Variants in SAMD3 observed in about 807,000 individuals in gnomAD.
SAMD3 encodes the protein sterile alpha motif domain-containing protein 3.
In SAMD3, 63 loss-of-function variants were observed where a neutral mutation model predicts 58.5. That is an observed-to-expected ratio of 1.08 (90% confidence interval 0.88 to 1.33). The LOEUF is 1.33. Among genes scored for constraint, SAMD3 ranks in the 40% most tolerant of loss-of-function variants. The pLI is 0.00. For missense variants in SAMD3, 604 were observed against 608.4 expected, an observed-to-expected ratio of 0.99 and a Z score of 0.08; for synonymous variants, 220 against 210.3, an observed-to-expected ratio of 1.05 and a Z score of -0.40.
At chr6:130,323,062 T>G (rs1776638567) in intron 1 of SAMD3, among the ~76,000 whole-genome samples, 3 of 152,220 alleles carry the variant, frequency 2.0e-5, no homozygotes, top group Admixed American at 2.0e-4. Flanking sequence ...TACAAGCAGT[T>G]ACCATGGAGC....
At chr6:130,329,453 T>C (rs1583113807) in intron 1 of SAMD3, among the ~76,000 whole-genome samples, 1 of 152,130 alleles carries the variant, frequency 6.6e-6, no homozygotes, top group African/African-American at 2.4e-5. Flanking sequence ...CAAATGAAAA[T>C]GGTTCAGTTG....
chr6:130,265,821 G>GTCAT (rs1389484194), intron 2 of SAMD3, among the ~76,000 whole-genome samples: 1 of 152,156 alleles, frequency 6.6e-6, no homozygotes, highest in Non-Finnish European at 1.5e-5. Context: ...TGCCTGTGCT[G>GTCAT]TCATTAATAG....
intron 7 of SAMD3, among the ~76,000 whole-genome samples, chr6:130,177,351 T>C (rs1445584574): frequency 6.6e-6 from 1 of 152,102 alleles, no homozygotes. Flanking sequence ...TGGTCCAGAT[T>C]TGAGCTCTGG....
chr6:130,308,400 A>ATTCTATTCT (rs1562513112), intron 2 of SAMD3, among the ~76,000 whole-genome samples: 245 of 137,008 alleles, frequency 1.8e-3, no homozygotes, highest in African/African-American at 4.0e-3. Context: ...ATTCTATTCT[A>ATTCTATTCT]TTCTATTCTA....
chr6:130,296,588 T>C (rs1775578046), intron 2 of SAMD3, among the ~76,000 whole-genome samples: 2 of 152,198 alleles, frequency 1.3e-5, no homozygotes, highest in Admixed American at 6.5e-5. Flanking sequence ...GTGTTTTTCA[T>C]ACTTTTTGTG....
At chr6:130,204,141 A>T (rs981552756) in intron 5 of SAMD3, among the ~76,000 whole-genome samples, 1 of 152,230 alleles carries the variant, frequency 6.6e-6, no homozygotes, top group African/African-American at 2.4e-5. Flanking sequence ...GAAGCAAAAC[A>T]TCTGGACACA....
chr6:130,360,695 A>C (rs1474362859), intron 1 of SAMD3, among the ~76,000 whole-genome samples: 3 of 152,182 alleles, frequency 2.0e-5, no homozygotes, highest in African/African-American at 7.2e-5. Context: ...AACCAGTCTG[A>C]CCAAAATTTA....
chr6:130,146,772 T>C (rs1435823226), intron 9 of SAMD3, among the ~76,000 whole-genome samples: 1 of 151,994 alleles, frequency 6.6e-6, no homozygotes, highest in African/African-American at 2.4e-5. Context: ...CCCAGGAGTT[T>C]GAGACCAGCC....
At chr6:130,347,124 T>C (rs930932540) in intron 1 of SAMD3, among the ~76,000 whole-genome samples, 1 of 151,848 alleles carries the variant, frequency 6.6e-6, no homozygotes, top group Non-Finnish European at 1.5e-5. Flanking sequence ...ACCACAAAGA[T>C]GGGGAAAAAA....
At chr6:130,184,665 A>G (rs751460909) in intron 5 of SAMD3, 42 bp from the exon 6 acceptor site, 195 of 1,512,914 alleles carry the variant, frequency 1.3e-4, no homozygotes, top group Non-Finnish European at 1.6e-4. Flanking sequence ...TCTATTCCAA[A>G]TATATGCAGT....
chr6:130,359,524 C>T (rs1777926763), intron 1 of SAMD3, among the ~76,000 whole-genome samples: 1 of 152,160 alleles, frequency 6.6e-6, no homozygotes, highest in Admixed American at 6.5e-5. Context: ...TCTTGGATCC[C>T]TATGTCTTTG....
chr6:130,351,416 G>A (rs1019442300), intron 1 of SAMD3, among the ~76,000 whole-genome samples: 2 of 152,096 alleles, frequency 1.3e-5, no homozygotes, highest in African/African-American at 4.8e-5. Context: ...AGTGGGCAAA[G>A]GATATGAACA....
At chr6:130,286,844 T>C (rs1775173491) in intron 2 of SAMD3, among the ~76,000 whole-genome samples, 1 of 152,262 alleles carries the variant, frequency 6.6e-6, no homozygotes, top group Middle Eastern at 3.4e-3. Context: ...CCTGAGTAGC[T>C]GACTAGAGGT....
chr6:130,352,554 T>C (rs1400695156), intron 1 of SAMD3, among the ~76,000 whole-genome samples: 3 of 152,152 alleles, frequency 2.0e-5, no homozygotes, highest in Non-Finnish European at 4.4e-5. Flanking sequence ...TAAGTGCTAA[T>C]GCAAAGTCAA....
At chr6:130,203,020 A>G (rs1170527339) in intron 5 of SAMD3, among the ~76,000 whole-genome samples, 3 of 151,894 alleles carry the variant, frequency 2.0e-5, no homozygotes, top group Non-Finnish European at 4.4e-5. Flanking sequence ...TTTGTTTTCT[A>G]CAGCAACAAC....
intron 2 of SAMD3, among the ~76,000 whole-genome samples, chr6:130,285,239 A>G (rs1775116993): frequency 6.6e-6 from 1 of 152,232 alleles, no homozygotes; most frequent in Non-Finnish European, 1.5e-5. Context: ...GCTGAAAGAT[A>G]CATTTGGCAG....
rs72990381 is a variant in SAMD3, at chr6:130,296,022, C to T, written c.-188+16956G>A. 1.6e-3 allele frequency among the ~76,000 whole-genome samples: 250 copies of T among 152,286 alleles called. 1 individual carries two copies. The highest frequency in any genetic ancestry group is 2.6e-3 in the Non-Finnish European group (180 of 68,024). On this transcript the variant is annotated intron_variant, in intron 2 of 13. Coordinates refer to the SAMD3 transcript ENST00000368134. Reference sequence around the variant, plus strand: ...TTGCCTTCTCCTGCTTCCTGTCACCCGCTTCTTCCCTTCCTCTTCATTTCC... The same window carrying T: ...TTGCCTTCTCCTGCTTCCTGTCACCTGCTTCTTCCCTTCCTCTTCATTTCC...
chr6:130,178,536 C>T (rs1168004439), intron 7 of SAMD3, among the ~76,000 whole-genome samples: 1 of 152,148 alleles, frequency 6.6e-6, no homozygotes. Context: ...TAACATTAGC[C>T]AAATGCTTGG....
At chr6:130,344,198 T>C (rs1345270722) in intron 1 of SAMD3, among the ~76,000 whole-genome samples, 2 of 152,230 alleles carry the variant, frequency 1.3e-5, no homozygotes, top group Admixed American at 1.3e-4. Flanking sequence ...TAACTCCAAC[T>C]AGTAAGAACA....
Sources: gnomAD v4.1 joint callset for allele counts (sites outside exome capture counted in the v4.1 genomes callset) on GRCh38, gnomAD v4.1.1 for gene constraint, MANE v1.5 for transcripts, NCBI Gene and HGNC (gene_info 2026-07-23, HGNC 2026-07-21) for gene names.